Variants in TRO observed in about 807,000 individuals in gnomAD.
The protein encoded by TRO is trophinin.
In TRO, 29 loss-of-function variants were observed where a neutral mutation model predicts 42.3. The observed-to-expected ratio is 0.68, with a 90% CI of 0.51 to 0.93. TRO has a LOEUF of 0.93. Among genes scored for constraint, TRO ranks in the 40% least tolerant of loss-of-function variants. The pLI, the probability that TRO is intolerant of heterozygous loss-of-function variation, is 0.00. For missense variants in TRO, 963 were observed against 1,127.7 expected, an observed-to-expected ratio of 0.85 and a Z score of 2.09; for synonymous variants, 384 against 425.2, an observed-to-expected ratio of 0.90 and a Z score of 1.19.
In TRO at chrX:54,927,106, G is replaced by GT; in HGVS notation, c.1763+2dup. ...TCACAGACGAGTTTGTGAAGCAGAA[G>GT]TAAGTGGTGTTTGGGGCTTTGTCTG... On this transcript the variant is annotated splice_donor_variant, in intron 10 of 12. Coordinates refer to ENST00000173898, the MANE Select transcript of TRO (RefSeq NM_001039705.3). LOFTEE classifies it high-confidence loss of function. The GT allele has an allele frequency of 8.3e-7, 1 of 1,211,705 alleles. No homozygotes were observed. Among genetic ancestry groups the GT allele is most frequent in the Non-Finnish European group, 1.1e-6 (1 of 895,434 alleles).
chrX:54,926,728 G>A, intron 9 of TRO, 103 bp downstream of exon 9: 4 of 1,156,430 alleles, frequency 3.5e-6, no homozygotes, highest in Non-Finnish European at 4.7e-6. Context: ...AGCGGGTGGG[G>A]TGCTGGACTG....
At chrX:54,922,073 G>T in intron 1 of TRO, 130 bp from the exon 2 acceptor site, 2 of 456,022 alleles carry the variant, frequency 4.4e-6, no homozygotes, top group Non-Finnish European at 7.2e-6. Context: ...AAACCAGATG[G>T]CCTGGGTTTT....
rs1010422573 is a variant in TRO, at chrX:54,920,856, C to T, written c.-67C>T. 2 of 110,054 alleles carry T rather than the reference C, an allele frequency of 1.8e-5. No homozygotes were observed. Among genetic ancestry groups the T allele is most frequent in the Non-Finnish European group, 3.8e-5 (2 of 52,675 alleles). The allele number at this position is 110,054 out of a possible 1,213,427, so 9.1% of individuals were successfully genotyped here. On this transcript the variant is annotated 5_prime_UTR_variant, in exon 1 of 13. Transcript: ENST00000173898. ...AGGAGAGGCTTGGAGAGAGCAGACG[C>T]CTTCTGGATTCAAGAAGACGAGGTG...
chrX:54,922,686 A>T lies in TRO; in HGVS notation c.154A>T (p.Thr52Ser). Reference protein sequence around the residue: ...VLLMHTLLAATKDSLAMDPPV... With the variant: ...VLLMHTLLAASKDSLAMDPPV... ...GCTGATGCATACCCTGTTGGCGGCA[A>T]CCAAGGACTCCCTGGCCATGGACCC... Residue 52 changes from threonine (T) to serine (S), a missense_variant, in exon 3 of 13, where the codon ACC (threonine) becomes TCC (serine). Around this residue, in one of 2 missense-constraint regions of TRO, gnomAD observed 322 missense variants for 316.5 expected, o/e 1.02. Coordinates refer to ENST00000173898, the MANE Select transcript of TRO (RefSeq NM_001039705.3). The T allele has an allele frequency of 8.3e-7, 1 of 1,211,253 alleles. No individual in the cohort carries two copies. Among genetic ancestry groups the T allele is most frequent in the Non-Finnish European group, 1.1e-6 (1 of 895,305 alleles).
At chrX:54,928,480 A>G in intron 11 of TRO, 123 bp from the exon 12 acceptor site, 1 of 883,163 alleles carries the variant, frequency 1.1e-6, no homozygotes, top group Non-Finnish European at 1.5e-6. Flanking sequence ...GAACTGACCC[A>G]TGATAGAGCC....
In TRO at chrX:54,928,637, A is replaced by G; in HGVS notation, c.1913A>G (p.Gln638Arg). The change falls in exon 12 of 13, where the codon CAG becomes CGG. Residue 638 changes from glutamine to arginine, a missense_variant. Physicochemically the swap from Gln to Arg is conservative, Grantham distance 43 (BLOSUM62 1). This residue lies in a region of TRO where 641 missense variants were observed against 811.3 expected (regional missense o/e 0.79). Transcript: ENST00000173898. The part of the protein sequence containing the change: ...QKKDPKDWAV[Q>R]YREAVEMEVQ... The stretch of plus-strand genomic sequence containing the variant: ...AAAGACCCCAAGGACTGGGCTGTGC[A>G]GTACCGCGAGGCAGTGGAGATGGAA... 4 of 1,181,917 alleles carry G rather than the reference A, an allele frequency of 3.4e-6. No individual in the cohort carries two copies. Among genetic ancestry groups the G allele is most frequent in the Non-Finnish European group, 4.5e-6 (4 of 881,502 alleles).
chrX:54,923,823 C>T, intron 3 of TRO, 55 bp downstream of exon 3: 1 of 1,083,735 alleles, frequency 9.2e-7, no homozygotes, highest in Non-Finnish European at 1.2e-6. Flanking sequence ...CATTTCTACC[C>T]TTCTAGTTTG....
rs752565934 is a variant in TRO at position 54,931,216 on chromosome X, T to C, written c.*24T>C. 9.9e-6 allele frequency: 12 copies of C among 1,211,658 alleles called. No homozygotes were observed. The highest frequency in any genetic ancestry group is 1.8e-5 in the South Asian group (1 of 56,950). ...GTTTTGTTTTCAGATTTATTCCCCA[T>C]GTTTACAGATACCGCTAATAAATTG... On this transcript the variant is annotated 3_prime_UTR_variant, in exon 13 of 13. Transcript: ENST00000173898.
Position 54,923,661 on chromosome X carries a change from G to A in TRO, c.1129G>A (p.Ala377Thr), listed in dbSNP as rs1244556053. The A allele has an allele frequency of 8.3e-7, 1 of 1,210,070 alleles. No individual in the cohort carries two copies. Among genetic ancestry groups the A allele is most frequent in the Admixed American group, 2.2e-5 (1 of 45,917 alleles). ...AGCCTCTGCTCAGACCAACGTAAGTGCCCTTGAGACTCAGGTTGCTGCTGC... is the reference window on the plus strand; with the variant it reads ...AGCCTCTGCTCAGACCAACGTAAGTACCCTTGAGACTCAGGTTGCTGCTGC... ...KIASAQTNVS[A>T]LETQVAAAVQ... The change falls in exon 3 of 13, where the codon GCC (alanine) becomes ACC (threonine). Residue 377 changes from alanine to threonine, a missense_variant. Coordinates refer to ENST00000173898, the MANE Select transcript of TRO (RefSeq NM_001039705.3).
chrX:54,928,143 C>A (rs1376865717), intron 11 of TRO, among the ~76,000 whole-genome samples: 1 of 112,376 alleles, frequency 8.9e-6, no homozygotes, highest in African/African-American at 3.2e-5. Context: ...CTTGCTGTGT[C>A]CTCACATGGC....
At position 54,930,170 on chromosome X, in the gene TRO, TTGG is replaced by T. The variant is rs759217759; in HGVS notation, c.3450_3452del (p.Gly1151del). ...GGTGCTCATGGCACCAGCCTCTGTTTTGGTGGAGCTCCCAGCACCAGCCTCTGC... is the reference window on the plus strand; with the variant it reads ...GGTGCTCATGGCACCAGCCTCTGTTTTGGAGCTCCCAGCACCAGCCTCTGC... On this transcript the variant is annotated inframe_deletion, in exon 12 of 13. Transcript: ENST00000173898. The T allele has an allele frequency of 1.3e-5, 16 of 1,210,815 alleles. No homozygotes were observed. The highest frequency in any genetic ancestry group is 1.8e-5 in the Non-Finnish European group (16 of 895,374).
rs192182116 is a variant in TRO, at chrX:54,928,964, C to G, written c.2240C>G (p.Ser747Cys). Residue 747 changes from serine to cysteine, a missense_variant, in exon 12 of 13, where the codon TCC becomes TGC. Physicochemically the swap from Ser to Cys is moderately radical, Grantham distance 112. This residue lies in a region of TRO where 641 missense variants were observed against 811.3 expected (regional missense o/e 0.79). Transcript: ENST00000173898. ...ASISFNGAPSSSGGFSGGPGI... is the reference protein window; with the variant it reads ...ASISFNGAPSCSGGFSGGPGI... ...ATTAGCTTCAATGGTGCACCCAGCT[C>G]CAGTGGTGGCTTCAGTGGTGGACCT... is the stretch of plus-strand genomic sequence containing the variant. 4 of 1,212,163 alleles carry G rather than the reference C, an allele frequency of 3.3e-6. No individual in the cohort carries two copies. The highest frequency in any genetic ancestry group is 2.2e-5 in the Admixed American group (1 of 46,069).
chrX:54,926,307 G>A (rs1369470345), intron 7 of TRO, 103 bp from the exon 8 acceptor site: 2 of 796,294 alleles, frequency 2.5e-6, no homozygotes, highest in Admixed American at 5.9e-5. Context: ...AGGTTAGCCT[G>A]GTGAGCTGGC....
chrX:54,930,843 T>C lies in TRO; in HGVS notation c.4119T>C (p.Thr1373=). 6 of 1,211,255 alleles carry C rather than the reference T, an allele frequency of 5.0e-6. No homozygotes were observed. The East Asian group carries it at 1.5e-4, about 30-fold the overall frequency. The change falls in exon 12 of 13, where the codon ACT becomes ACC. Residue 1373 remains threonine, a synonymous_variant. Coordinates refer to ENST00000173898, the MANE Select transcript of TRO (RefSeq NM_001039705.3). Reference sequence around the variant, plus strand: ...TTGGCTTCAGCGGTGGACCAAGCACTGGTGTTGGCTTCTGCAGTGGACCAA... The same window carrying C: ...TTGGCTTCAGCGGTGGACCAAGCACCGGTGTTGGCTTCTGCAGTGGACCAA... ...SIVGFSGGPS[T]GVGFCSGPST... is the part of the protein sequence containing the mutation.
In TRO at chrX:54,930,434, C is replaced by T. The variant is rs766883524; in HGVS notation, c.3710C>T (p.Ser1237Phe). 35 of 1,207,425 alleles carry T rather than the reference C, an allele frequency of 2.9e-5. No individual in the cohort carries two copies. Among genetic ancestry groups the T allele is most frequent in the Non-Finnish European group, 3.7e-5 (33 of 894,258 alleles). The change falls in exon 12 of 13, where the codon TCT becomes TTT. Residue 1237 changes from serine (S) to phenylalanine (F), a missense_variant. Transcript: ENST00000173898. ...TTCAGTGGTGGCCTAAGCACAAGTTCTGGCTTTGATGGTGGGCTAGGTACC... is the reference window on the plus strand; with the variant it reads ...TTCAGTGGTGGCCTAAGCACAAGTTTTGGCTTTGATGGTGGGCTAGGTACC... ...AGFSGGLSTS[S>F]GFDGGLGTSA...
intron 6 of TRO, 51 bp downstream of exon 6, chrX:54,925,119 G>T: frequency 9.2e-7 from 1 of 1,087,445 alleles, no homozygotes; most frequent in Non-Finnish European, 1.3e-6. Context: ...TTTGAATCGA[G>T]CAAAGACATA....
chrX:54,927,251 C>A, intron 10 of TRO, 146 bp downstream of exon 10: 1 of 690,764 alleles, frequency 1.4e-6, no homozygotes, highest in Non-Finnish European at 2.2e-6. Flanking sequence ...TCTAAAATTC[C>A]CATGGGCAGA....
rs1188639954 is a variant in TRO at position 54,925,082 on chromosome X, G to A, written c.1485+14G>A. 8.3e-7 allele frequency: 1 copy of A among 1,201,985 alleles called. No homozygotes were observed. The highest frequency in any genetic ancestry group is 1.8e-5 in the South Asian group (1 of 55,797). ...ACTCTGGAGAAGGTGAAGGGGCAGTGCTGGCGGATGGGCGCAATGGGGAAG... is the reference window on the plus strand; with the variant it reads ...ACTCTGGAGAAGGTGAAGGGGCAGTACTGGCGGATGGGCGCAATGGGGAAG... On this transcript the variant is annotated intron_variant, in intron 6 of 12. Coordinates refer to ENST00000173898, the MANE Select transcript of TRO (RefSeq NM_001039705.3).
At position 54,930,089 on chromosome X, in the gene TRO, C is replaced by T. The variant is rs779301849; in HGVS notation, c.3365C>T (p.Thr1122Ile). 1 of 1,207,453 alleles carries T rather than the reference C, an allele frequency of 8.3e-7. No homozygotes were observed. The highest frequency in any genetic ancestry group is 2.2e-5 in the Admixed American group (1 of 45,759). ...ALSTAADFGG[T>I]PSNSIGFGAA... ...AGTACCGCTGCTGACTTCGGTGGTA[C>T]TCCCAGCAACAGCATTGGCTTTGGT... Residue 1122 changes from threonine (T) to isoleucine (I), a missense_variant, in exon 12 of 13, where the codon ACT becomes ATT. Physicochemically the swap from Thr to Ile is moderately conservative, Grantham distance 89. Transcript: ENST00000173898.
Sources: allele counts gnomAD v4.1 joint callset (sites outside exome capture counted in the v4.1 genomes callset), GRCh38; gene constraint gnomAD v4.1.1; regional missense constraint gnomAD v4.1.1; transcripts MANE v1.5; gene names NCBI Gene and HGNC (gene_info 2026-07-23, HGNC 2026-07-21).